DPP6: variants seen among roughly 807,000 people sequenced by gnomAD.
DPP6 encodes dipeptidyl peptidase like 6, also known as A-type potassium channel modulatory protein DPP6.
In DPP6, 69 loss-of-function variants were observed where a neutral mutation model predicts 122.6. The ratio of observed to expected loss-of-function variants is 0.56; its 90% CI spans 0.46 to 0.69. The LOEUF (loss-of-function observed/expected upper bound fraction) is 0.69, where lower values mean the gene tolerates loss of function less well. Ranked by LOEUF, DPP6 falls within the 30% of genes least tolerant of loss-of-function variation. The pLI, the probability that DPP6 is intolerant of heterozygous loss-of-function variation, is 0.00. For synonymous variants in DPP6, 418 were observed against 433.1 expected, an observed-to-expected ratio of 0.97 and a Z score of 0.43; for missense variants, 928 against 1,116.9, an observed-to-expected ratio of 0.83 and a Z score of 2.41.
At position 154,624,641 on chromosome 7, in the gene DPP6, C is replaced by G. The variant is rs935804672; in HGVS notation, c.628-13180C>G. Among the ~76,000 whole-genome samples the G allele has an allele frequency of 6.6e-6, 1 of 152,140 alleles. No individual in the cohort carries two copies. The highest frequency in any genetic ancestry group is 2.4e-5 in the African/African-American group (1 of 41,396). ...GGATGACCCCGTGGTGGTCAGGTACCTTGCTGCTCTGCACACAAACAATAG... is the reference window on the plus strand; with the variant it reads ...GGATGACCCCGTGGTGGTCAGGTACGTTGCTGCTCTGCACACAAACAATAG... On this transcript the variant is annotated intron_variant, in intron 5 of 25. Transcript: ENST00000377770. This position sits in a 1 kb window ranked among gnomAD's most constrained non-coding sequence, Gnocchi z 4.7.
chr7:154,325,879 G>A (rs1808400999), intron 1 of DPP6, among the ~76,000 whole-genome samples: 2 of 152,134 alleles, frequency 1.3e-5, no homozygotes, highest in African/African-American at 4.8e-5. Context: ...TTACCTGAAT[G>A]TCTTACTTTT....
At chr7:153,955,177 C>G (rs912851604) in intron 1 of DPP6, among the ~76,000 whole-genome samples, 2 of 152,050 alleles carry the variant, frequency 1.3e-5, no homozygotes, top group African/African-American at 4.8e-5. Context: ...GGTAGGAAAA[C>G]AAGGGGTAGA....
the DPP6 span, among the ~76,000 whole-genome samples, chr7:153,805,545 T>C: frequency 1.3e-5 from 2 of 152,342 alleles, 1 homozygote; most frequent in South Asian, 4.2e-4. Context: ...GCATGATTTA[T>C]ATTCCTTTGG....
chr7:154,680,870 C>T (rs1361062973), intron 7 of DPP6, among the ~76,000 whole-genome samples: 1 of 152,140 alleles, frequency 6.6e-6, no homozygotes, highest in African/African-American at 2.4e-5. Flanking sequence ...GTTAATTCCA[C>T]CGGTTTGAAA....
chr7:154,259,484 T>C (rs1276897554), intron 1 of DPP6, among the ~76,000 whole-genome samples: 1 of 152,088 alleles, frequency 6.6e-6, no homozygotes. Context: ...CCGGAAGAAA[T>C]GACCTAAGCA....
chr7:154,700,322 A>G (rs1410643270), intron 7 of DPP6, among the ~76,000 whole-genome samples: 6 of 152,244 alleles, frequency 3.9e-5, no homozygotes, highest in African/African-American at 1.4e-4. Context: ...CTTAAAGATT[A>G]TAATTTTGTG....
chr7:153,967,066 C>CACAG (rs374562929), intron 1 of DPP6, among the ~76,000 whole-genome samples: 12 of 147,686 alleles, frequency 8.1e-5, no homozygotes, highest in African/African-American at 3.2e-4. Context: ...GACCCTGTCT[C>CACAG]ACAAACAAAC....
At chr7:154,666,246 C>T (rs1838159211) in intron 6 of DPP6, among the ~76,000 whole-genome samples, 2 of 146,556 alleles carry the variant, frequency 1.4e-5, no homozygotes, top group African/African-American at 5.1e-5. Context: ...ATAACACATA[C>T]TCTTGGGCTT....
chr7:154,552,880 A>G (rs1829734529), intron 4 of DPP6, among the ~76,000 whole-genome samples: 1 of 152,210 alleles, frequency 6.6e-6, no homozygotes, highest in Non-Finnish European at 1.5e-5. Flanking sequence ...AAAATTAGTA[A>G]AACTTCTTGA....
intron 7 of DPP6, among the ~76,000 whole-genome samples, chr7:154,726,525 C>T (rs1002648069): frequency 6.6e-6 from 1 of 152,230 alleles, no homozygotes; most frequent in African/African-American, 2.4e-5. Flanking sequence ...CAATGCAGGG[C>T]ACCAAGGCTG....
chr7:154,172,848 G>C (rs946260817), intron 1 of DPP6, among the ~76,000 whole-genome samples: 3 of 152,098 alleles, frequency 2.0e-5, no homozygotes, highest in Admixed American at 2.0e-4. Flanking sequence ...CCATCCAACT[G>C]CCTCAGCCTC....
In DPP6 at chr7:153,887,740, T is replaced by G. The variant is rs560934140; in HGVS notation, c.51+6T>G. On this transcript the variant is annotated splice_donor_region_variant and intron_variant, in intron 1 of 25. Transcript: ENST00000404039. ...AGATGCAGGGGAACGTGATGGTGAGTGCCACGGACAGGGCGCGCGCTGGGT... is the reference window on the plus strand; with the variant it reads ...AGATGCAGGGGAACGTGATGGTGAGGGCCACGGACAGGGCGCGCGCTGGGT... 1.4e-5 allele frequency: 23 copies of G among 1,612,716 alleles called. No homozygotes were observed. In the Admixed American group the frequency reaches 3.8e-4, roughly 27 times the overall value.
intron 1 of DPP6, among the ~76,000 whole-genome samples, chr7:153,914,303 C>T (rs1800214589): frequency 6.6e-6 from 1 of 152,174 alleles, no homozygotes; most frequent in South Asian, 2.1e-4. Flanking sequence ...CATAAAACCT[C>T]TTTTTCTGTA....
chr7:154,515,086 C>A (rs1441736727), intron 3 of DPP6, among the ~76,000 whole-genome samples: 1 of 152,114 alleles, frequency 6.6e-6, no homozygotes, highest in Admixed American at 6.5e-5. Flanking sequence ...GCTTAATGTA[C>A]AAAAGAACAA....
intron 1 of DPP6, among the ~76,000 whole-genome samples, chr7:154,232,745 A>G (rs1800990270): frequency 6.6e-6 from 1 of 152,210 alleles, no homozygotes; most frequent in Non-Finnish European, 1.5e-5. Flanking sequence ...ACATCAGGGT[A>G]TCTATATCTG....
intron 1 of DPP6, among the ~76,000 whole-genome samples, chr7:154,193,983 A>G (rs1798739107): frequency 6.6e-6 from 1 of 152,138 alleles, no homozygotes; most frequent in Admixed American, 6.5e-5. Context: ...TCTTTTCCTA[A>G]AGGAACATAT....
chr7:153,772,613 A>G, the DPP6 span, among the ~76,000 whole-genome samples: 3 of 152,082 alleles, frequency 2.0e-5, no homozygotes, highest in African/African-American at 7.2e-5. Context: ...ATTTTAATCC[A>G]AAGAGATCAA....
chr7:154,511,825 G>A (rs1201213263), intron 3 of DPP6, among the ~76,000 whole-genome samples: 1 of 151,660 alleles, frequency 6.6e-6, no homozygotes, highest in Non-Finnish European at 1.5e-5. Flanking sequence ...ACTTTCAAAT[G>A]AAATGGATTT....
At chr7:154,859,362 T>C (rs992677485) in intron 17 of DPP6, among the ~76,000 whole-genome samples, 2 of 152,216 alleles carry the variant, frequency 1.3e-5, no homozygotes, top group African/African-American at 4.8e-5. Context: ...TGAGCCGCTG[T>C]GTGACGCCAT....
Sources: allele counts gnomAD v4.1 joint callset (sites outside exome capture counted in the v4.1 genomes callset), GRCh38; gene constraint gnomAD v4.1.1; non-coding constraint Gnocchi (gnomAD v3.1); transcripts MANE v1.5; gene names NCBI Gene and HGNC (gene_info 2026-07-23, HGNC 2026-07-21).